Variants in CSMD1 observed in about 807,000 individuals in gnomAD.
CSMD1 encodes the protein CUB and sushi domain-containing protein 1.
In CSMD1, 213 loss-of-function variants were observed where a neutral mutation model predicts 417.5. That is an observed-to-expected ratio of 0.51 (90% confidence interval 0.46 to 0.57). The LOEUF (loss-of-function observed/expected upper bound fraction) is 0.57. Ranked by LOEUF, CSMD1 falls within the 20% of genes least tolerant of loss-of-function variation. CSMD1 has a pLI of 0.00. For synonymous variants in CSMD1, 2,862 were observed against 1,736.8 expected, an observed-to-expected ratio of 1.65 and a Z score of -16.11; for missense variants, 6,923 against 4,529.7, an observed-to-expected ratio of 1.53 and a Z score of -15.17.
At chr8:4,284,704 G>C (rs775709410) in intron 3 of CSMD1, among the ~76,000 whole-genome samples, 7 of 151,994 alleles carry the variant, frequency 4.6e-5, no homozygotes, top group Admixed American at 1.3e-4. Flanking sequence ...ACTAAAATTT[G>C]GATTTCTACG....
At chr8:3,590,417 C>A (rs1800797023) in intron 8 of CSMD1, among the ~76,000 whole-genome samples, 1 of 152,174 alleles carries the variant, frequency 6.6e-6, no homozygotes, top group South Asian at 2.1e-4. Flanking sequence ...GAACTCGGCT[C>A]TTACTCTTCT....
intron 3 of CSMD1, among the ~76,000 whole-genome samples, chr8:4,165,304 G>C (rs138669639): frequency 4.9e-4 from 74 of 152,352 alleles, no homozygotes; most frequent in Non-Finnish European, 8.5e-4. Context: ...AGTTCTGTGT[G>C]CCGGGTATCT....
At chr8:4,714,128 G>C (rs992267235) in intron 1 of CSMD1, among the ~76,000 whole-genome samples, 1 of 151,890 alleles carries the variant, frequency 6.6e-6, no homozygotes, top group Non-Finnish European at 1.5e-5. Context: ...CTGGGTGACA[G>C]AACGCGACTC....
At chr8:3,469,909 C>T (rs576591967) in intron 11 of CSMD1, among the ~76,000 whole-genome samples, 1 of 152,308 alleles carries the variant, frequency 6.6e-6, no homozygotes, top group East Asian at 1.9e-4. Context: ...TCTTCGTTGG[C>T]AACATTGTTC....
intron 1 of CSMD1, among the ~76,000 whole-genome samples, chr8:4,765,918 G>A (rs182282866): frequency 2.0e-5 from 3 of 152,004 alleles, no homozygotes; most frequent in Non-Finnish European, 2.9e-5. Context: ...ATGCCAAAAG[G>A]GTTTGAAGAA....
rs7836641 is a variant in CSMD1, at chr8:4,743,016, G to C, written c.86-105458C>G. 7.9e-5 allele frequency among the ~76,000 whole-genome samples: 12 copies of C among 152,248 alleles called. No homozygotes were observed. The East Asian group carries it at 2.1e-3, about 27-fold the overall frequency. ...AACCACATGCTTCACTGTGTTTGGA[G>C]AATTACAGCTATTTTCTAAGTGTTT... is the stretch of plus-strand genomic sequence containing the variant. On this transcript the variant is annotated intron_variant, in intron 1 of 69. Coordinates refer to ENST00000635120, the MANE Select transcript of CSMD1 (RefSeq NM_033225.6).
chr8:3,313,050 C>G (rs1032620696), intron 23 of CSMD1, among the ~76,000 whole-genome samples: 16 of 152,114 alleles, frequency 1.1e-4, no homozygotes, highest in African/African-American at 3.4e-4. Context: ...TCTGAAATGA[C>G]AACATAAAAT....
intron 36 of CSMD1, among the ~76,000 whole-genome samples, chr8:3,182,132 T>C (rs973546816): frequency 8.5e-5 from 13 of 152,174 alleles, no homozygotes; most frequent in Non-Finnish European, 1.5e-4. Context: ...GAAATGATAA[T>C]TTAAATAACA....
chr8:3,992,305 G>C (rs993280345), intron 5 of CSMD1, among the ~76,000 whole-genome samples: 2 of 152,100 alleles, frequency 1.3e-5, no homozygotes, highest in Non-Finnish European at 1.5e-5. Context: ...CCTGGAGTAC[G>C]CAAGTTTACA....
chr8:3,992,773 C>T (rs555261598), intron 5 of CSMD1, among the ~76,000 whole-genome samples: 7 of 152,248 alleles, frequency 4.6e-5, no homozygotes, highest in African/African-American at 9.6e-5. Context: ...AGAAGGAGAC[C>T]CAGTACTAAC....
At chr8:3,353,282 G>A (rs1808534417) in intron 21 of CSMD1, among the ~76,000 whole-genome samples, 1 of 152,122 alleles carries the variant, frequency 6.6e-6, no homozygotes. Flanking sequence ...TACTTTTGGA[G>A]GCATGTCTTC....
chr8:3,789,442 GT>G (rs34045957), intron 5 of CSMD1, among the ~76,000 whole-genome samples: 87,373 of 115,490 alleles, frequency 0.76, 34,473 homozygotes, highest in Non-Finnish European at 0.89. Flanking sequence ...TTTTTTAAGT[GT>G]TTTTTTTTTT....
chr8:3,221,030 T>G (rs572152805), intron 28 of CSMD1, among the ~76,000 whole-genome samples: 29 of 142,368 alleles, frequency 2.0e-4, no homozygotes, highest in African/African-American at 7.2e-4. Flanking sequence ...TTTTGCTTGT[T>G]GGTTTGTTTG....
chr8:3,934,335 C>A (rs578201062), intron 5 of CSMD1, among the ~76,000 whole-genome samples: 1 of 152,036 alleles, frequency 6.6e-6, no homozygotes, highest in African/African-American at 2.4e-5. Context: ...ATAGTTAACA[C>A]GTACAAAAAG....
At chr8:2,985,021 C>T (rs1454891435) in intron 54 of CSMD1, among the ~76,000 whole-genome samples, 2 of 152,146 alleles carry the variant, frequency 1.3e-5, no homozygotes, top group Non-Finnish European at 2.9e-5. Context: ...GATACTGGAA[C>T]AAATCAGACC....
intron 49 of CSMD1, among the ~76,000 whole-genome samples, chr8:3,083,321 T>C (rs563681988): frequency 5.9e-5 from 9 of 151,858 alleles, no homozygotes; most frequent in Admixed American, 2.0e-4. Context: ...AAGAACCAAA[T>C]AGAAAATAGG....
At chr8:3,672,687 G>A (rs1000569895) in intron 7 of CSMD1, among the ~76,000 whole-genome samples, 3 of 152,180 alleles carry the variant, frequency 2.0e-5, no homozygotes, top group African/African-American at 4.8e-5. Context: ...TCCCAAGGCT[G>A]TCTCCAGTGA....
intron 1 of CSMD1, among the ~76,000 whole-genome samples, chr8:4,928,063 G>A (rs548900046): frequency 3.9e-5 from 6 of 152,220 alleles, no homozygotes; most frequent in African/African-American, 1.4e-4. Flanking sequence ...ACCAGGCCTG[G>A]CTCCTGTGGC....
At chr8:3,524,421 C>T (rs1273365997) in intron 10 of CSMD1, among the ~76,000 whole-genome samples, 1 of 141,596 alleles carries the variant, frequency 7.1e-6, no homozygotes, top group African/African-American at 2.6e-5. Context: ...GCACACACAA[C>T]CAGACACATC....
Sources: allele counts gnomAD v4.1 joint callset (sites outside exome capture counted in the v4.1 genomes callset), GRCh38; gene constraint gnomAD v4.1.1; transcripts MANE v1.5; gene names NCBI Gene and HGNC (gene_info 2026-07-23, HGNC 2026-07-21).